Variants in ZNF469 observed in about 807,000 individuals in gnomAD.
ZNF469 encodes the protein zinc finger protein 469.
A neutral mutation model predicts 1.0 loss-of-function variants in ZNF469; 1 was observed. The ratio of observed to expected loss-of-function variants is 1.00; its 90% confidence interval spans 0.35 to 4.73. The LOEUF (loss-of-function observed/expected upper bound fraction) is 4.73. ZNF469 is among the 30% of genes most tolerant of loss of function. The probability of loss-of-function intolerance (pLI) is 0.16; values close to 1 mark genes in which losing one functional copy is unlikely to be tolerated. For synonymous variants in ZNF469, 2,703 were observed against 2,363.4 expected (o/e 1.14, Z -4.17); for missense variants, 6,100 against 5,356.3 (o/e 1.14, Z -4.33).
chr16:88,432,901 G>T lies in ZNF469; in HGVS notation c.5431G>T (p.Gly1811Cys), dbSNP rs1597210468. 6.4e-7 allele frequency: 1 copy of T among 1,550,392 alleles called. No individual in the cohort carries two copies. Among genetic ancestry groups the T allele is most frequent in the Non-Finnish European group, 8.7e-7 (1 of 1,146,982 alleles). The change falls in exon 3 of 3, where the codon GGT (glycine) becomes TGT (cysteine). Residue 1811 changes from glycine (G) to cysteine (C), a missense_variant. By Grantham distance (159) the Gly-to-Cys change is radical. Coordinates refer to ENST00000565624, the MANE Select transcript of ZNF469 (RefSeq NM_001367624.2). ...VHLAPDLAFQ[G>C]DGAPPLDATW... is the part of the protein sequence containing the mutation. Reference sequence around the variant, plus strand: ...TCTGGCCCCTGACTTGGCATTTCAGGGTGACGGGGCTCCACCTCTGGATGC... The same window carrying T: ...TCTGGCCCCTGACTTGGCATTTCAGTGTGACGGGGCTCCACCTCTGGATGC...
At chr16:88,233,548 A>G in the ZNF469 span, among the ~76,000 whole-genome samples, 8 of 152,158 alleles carry the variant, frequency 5.3e-5, no homozygotes, top group African/African-American at 1.9e-4. Context: ...GCGGGAGGGA[A>G]GGCGCCCAAA....
At chr16:88,420,741 C>T (rs1175795998) in intron 1 of ZNF469, among the ~76,000 whole-genome samples, 2 of 152,192 alleles carry the variant, frequency 1.3e-5, no homozygotes, top group African/African-American at 2.4e-5. Context: ...AGGTGGCTTG[C>T]GTTGTTCTGT....
chr16:88,147,050 C>T, the ZNF469 span, among the ~76,000 whole-genome samples: 2 of 152,132 alleles, frequency 1.3e-5, no homozygotes, highest in Non-Finnish European at 2.9e-5. Flanking sequence ...TGTGCCCTCA[C>T]GTGGCAAAAG....
rs1209728129 is a variant in ZNF469, at chr16:88,438,059, C to T, written c.10589C>T (p.Pro3530Leu). 1.7e-5 allele frequency: 26 copies of T among 1,550,412 alleles called. No homozygotes were observed. In the East Asian group the frequency reaches 6.4e-4, roughly 38 times the overall value. ...TKGWPETLER[P>L]VDPVTHPIRG... ...GGATGGCCCGAGACCCTAGAGAGGC[C>T]TGTAGACCCCGTGACCCACCCGATC... Residue 3530 changes from proline to leucine, a missense_variant, in exon 3 of 3, where the codon CCT becomes CTT. Transcript: ENST00000565624.
chr16:88,124,994 T>A, the ZNF469 span, among the ~76,000 whole-genome samples: 2 of 152,260 alleles, frequency 1.3e-5, no homozygotes, highest in Non-Finnish European at 2.9e-5. Flanking sequence ...TCCTATGTTT[T>A]CTTCCAGAAG....
At chr16:88,302,279 A>G in the ZNF469 span, 9 of 152,198 alleles carry the variant, frequency 5.9e-5, no homozygotes, top group African/African-American at 2.2e-4. Context: ...ACAATTCCAC[A>G]CAAGCCCAGA....
At chr16:88,399,554 C>T (rs1028345635) in intron 1 of ZNF469, among the ~76,000 whole-genome samples, 8 of 152,160 alleles carry the variant, frequency 5.3e-5, no homozygotes, top group Non-Finnish European at 1.0e-4. Context: ...ATGGGAGGGC[C>T]AGGCTGGAGC....
chr16:88,345,943 G>A, the ZNF469 span, among the ~76,000 whole-genome samples: 166 of 152,206 alleles, frequency 1.1e-3, no homozygotes, highest in African/African-American at 3.7e-3. Flanking sequence ...ACCTGGCATC[G>A]CATCACCCTG....
chr16:88,275,229 A>C, the ZNF469 span, among the ~76,000 whole-genome samples: 42 of 152,184 alleles, frequency 2.8e-4, no homozygotes, highest in African/African-American at 1.0e-3. Context: ...ATCCTACATA[A>C]AATGGGGAGG....
At chr16:88,255,671 C>T in the ZNF469 span, among the ~76,000 whole-genome samples, 334 of 152,336 alleles carry the variant, frequency 2.2e-3, 2 homozygotes, top group African/African-American at 7.6e-3. Context: ...CTGAAAAGTG[C>T]CTCAACAGTC....
the ZNF469 span, among the ~76,000 whole-genome samples, chr16:88,111,172 C>G: frequency 1.3e-5 from 2 of 152,196 alleles, no homozygotes; most frequent in East Asian, 1.9e-4. Flanking sequence ...ACGCCACTGC[C>G]GAAGAGGCCA....
At chr16:88,349,900 CACACACAAT>C in the ZNF469 span, among the ~76,000 whole-genome samples, 1 of 186 alleles carries the variant, frequency 5.4e-3, no homozygotes, top group African/African-American at 0.016. Flanking sequence ...GCACACACAT[CACACACAAT>C]ACACACTACA....
chr16:88,405,964 C>T (rs970140706), intron 1 of ZNF469, among the ~76,000 whole-genome samples: 3 of 152,226 alleles, frequency 2.0e-5, no homozygotes, highest in African/African-American at 4.8e-5. Flanking sequence ...AGCTGGTGAG[C>T]GCTAACGTGG....
the ZNF469 span, among the ~76,000 whole-genome samples, chr16:88,140,470 C>T: frequency 6.6e-6 from 1 of 151,404 alleles, no homozygotes; most frequent in South Asian, 2.1e-4. Context: ...GGGGGTAGCA[C>T]GGAAAGTCAG....
chr16:88,181,783 A>G, the ZNF469 span, among the ~76,000 whole-genome samples: 1 of 152,352 alleles, frequency 6.6e-6, no homozygotes, highest in Middle Eastern at 3.4e-3. Context: ...CAAAGTAAGG[A>G]AAAGAAAGAA....
chr16:88,245,015 A>G, the ZNF469 span, among the ~76,000 whole-genome samples: 9 of 151,998 alleles, frequency 5.9e-5, no homozygotes, highest in African/African-American at 2.2e-4. Context: ...GCCTTGTCCT[A>G]CAGTCCCAGC....
the ZNF469 span, among the ~76,000 whole-genome samples, chr16:88,236,293 C>A: frequency 6.6e-6 from 1 of 152,226 alleles, no homozygotes; most frequent in Admixed American, 6.5e-5. Flanking sequence ...ATGTCAAACA[C>A]TCTATTCCTT....
chr16:88,323,546 C>G, the ZNF469 span, among the ~76,000 whole-genome samples: 2 of 152,308 alleles, frequency 1.3e-5, no homozygotes, highest in Middle Eastern at 3.4e-3. Flanking sequence ...GGAGGGAGGC[C>G]TCACTATTGG....
chr16:88,381,852 G>A (rs1375720860), upstream of ZNF469, among the ~76,000 whole-genome samples: 2 of 152,270 alleles, frequency 1.3e-5, no homozygotes, highest in African/African-American at 4.8e-5. Flanking sequence ...AGCTTCAGGA[G>A]GCAGACCAGA....
Sources: gnomAD v4.1 joint callset for allele counts (sites outside exome capture counted in the v4.1 genomes callset) on GRCh38, gnomAD v4.1.1 for gene constraint, MANE v1.5 for transcripts, NCBI Gene and HGNC (gene_info 2026-07-23, HGNC 2026-07-21) for gene names.